The following THRB variants were observed in gnomAD, a reference collection of about 807,000 sequenced individuals.
THRB encodes the protein thyroid hormone receptor beta.
THRB carries 12 observed loss-of-function variants against 47.8 expected under a neutral mutation model. The ratio of observed to expected loss-of-function variants is 0.25; its 90% confidence interval spans 0.16 to 0.41. The LOEUF is 0.41. Among genes scored for constraint, THRB ranks in the 10% least tolerant of loss-of-function variants. THRB has a pLI of 1.00. For missense variants in THRB, 348 were observed against 589.2 expected, an observed-to-expected ratio of 0.59 and a Z score of 4.24; for synonymous variants, 218 against 212.2, an observed-to-expected ratio of 1.03 and a Z score of -0.24.
At chr3:24,374,909 GCTTAAATTTCAC>G (rs1553735651) in intron 1 of THRB, among the ~76,000 whole-genome samples, 7 of 151,964 alleles carry the variant, frequency 4.6e-5, no homozygotes, top group Non-Finnish European at 8.8e-5. Context: ...TACTCTCAAA[GCTTAAATTTCAC>G]CATACTTACC....
At chr3:24,366,731 C>T (rs1413766026) in intron 1 of THRB, among the ~76,000 whole-genome samples, 2 of 151,278 alleles carry the variant, frequency 1.3e-5, no homozygotes, top group African/African-American at 4.9e-5. Context: ...AGCAATTCTC[C>T]TGCCTCAGCC....
At chr3:24,477,317 C>G (rs1053818905) in intron 1 of THRB, among the ~76,000 whole-genome samples, 2 of 152,058 alleles carry the variant, frequency 1.3e-5, no homozygotes, top group Admixed American at 1.3e-4. Context: ...AGCAGGGTTA[C>G]TACATTAATC....
rs1239005734 is a variant in THRB, at chr3:24,262,813, A to G, written c.-42-33812T>C. On this transcript the variant is annotated intron_variant, in intron 3 of 10. Transcript: ENST00000646209. ...TACTGCCTATTTTCCCCTACCCCCTACTAGACGGTAAACACCATGAGGAAG... is the reference window on the plus strand; with the variant it reads ...TACTGCCTATTTTCCCCTACCCCCTGCTAGACGGTAAACACCATGAGGAAG... Among the ~76,000 whole-genome samples the G allele has an allele frequency of 2.0e-5, 3 of 151,852 alleles. No individual in the cohort carries two copies. The East Asian group carries it at 5.8e-4, about 29-fold the overall frequency.
At chr3:24,300,404 T>C (rs926500070) in intron 2 of THRB, among the ~76,000 whole-genome samples, 1 of 152,242 alleles carries the variant, frequency 6.6e-6, no homozygotes, top group Non-Finnish European at 1.5e-5. Flanking sequence ...ATATCCATGA[T>C]ACACGTGCAC....
At chr3:24,314,094 T>A (rs2057948850) in intron 2 of THRB, among the ~76,000 whole-genome samples, 2 of 152,246 alleles carry the variant, frequency 1.3e-5, no homozygotes, top group African/African-American at 4.8e-5. Context: ...AGGCGTTTTA[T>A]ACACCTGCTG....
chr3:24,416,925 A>G (rs559386160), intron 1 of THRB, among the ~76,000 whole-genome samples: 2 of 152,052 alleles, frequency 1.3e-5, no homozygotes, highest in African/African-American at 4.8e-5. Flanking sequence ...TTAGACGTTA[A>G]TGTTTGTGAA....
At chr3:24,182,751 G>A (rs549184235) in intron 5 of THRB, among the ~76,000 whole-genome samples, 122 of 152,304 alleles carry the variant, frequency 8.0e-4, no homozygotes, top group Middle Eastern at 3.4e-3. Flanking sequence ...ACTTGCCCAA[G>A]TTTCAATGGC....
At chr3:24,194,422 CTT>C (rs2043725263) in intron 4 of THRB, among the ~76,000 whole-genome samples, 1 of 152,172 alleles carries the variant, frequency 6.6e-6, no homozygotes, top group East Asian at 1.9e-4. Context: ...ACCGTTTACT[CTT>C]TAATGAATCC....
intron 1 of THRB, among the ~76,000 whole-genome samples, chr3:24,340,321 CCTT>C (rs1559970931): frequency 1.3e-5 from 2 of 151,980 alleles, no homozygotes; most frequent in South Asian, 2.1e-4. Context: ...AATTCCTCCT[CCTT>C]CTCCTTCTCC....
At chr3:24,282,578 C>T (rs1483115399) in intron 3 of THRB, among the ~76,000 whole-genome samples, 1 of 119,908 alleles carries the variant, frequency 8.3e-6, no homozygotes, top group Non-Finnish European at 1.6e-5. Context: ...CAAGAAATAA[C>T]TAAAATCAGA....
Position 24,485,384 on chromosome 3 carries a change from G to A in THRB, c.-261+9268C>T, listed in dbSNP as rs535011295. On this transcript the variant is annotated intron_variant, in intron 1 of 10. Coordinates refer to ENST00000646209, the MANE Select transcript of THRB (RefSeq NM_001354712.2). ...ATTAGAAAAATTTTGCCACATCTCG[G>A]AGAAAGTGAAATCTGTTCCCAAAGA... 7.4e-4 allele frequency among the ~76,000 whole-genome samples: 113 copies of A among 152,192 alleles called. No homozygotes were observed. In the South Asian group the frequency reaches 0.022, roughly 29 times the overall value.
intron 8 of THRB, among the ~76,000 whole-genome samples, chr3:24,141,678 T>C (rs1199535875): frequency 6.6e-6 from 1 of 152,242 alleles, no homozygotes; most frequent in Admixed American, 6.5e-5. Flanking sequence ...TAAACAAGTT[T>C]AGTTGGACTA....
At chr3:24,339,501 T>C (rs1195936782) in intron 1 of THRB, among the ~76,000 whole-genome samples, 1 of 152,216 alleles carries the variant, frequency 6.6e-6, no homozygotes, top group Non-Finnish European at 1.5e-5. Flanking sequence ...TGGGCCTTGT[T>C]CTAAATGATT....
At chr3:24,351,066 AT>A (rs11414285) in intron 1 of THRB, among the ~76,000 whole-genome samples, 12 of 150,870 alleles carry the variant, frequency 8.0e-5, no homozygotes, top group African/African-American at 1.7e-4. Flanking sequence ...TATGTTATTC[AT>A]TTTTTTTTCT....
intron 2 of THRB, among the ~76,000 whole-genome samples, chr3:24,320,742 C>T (rs1559920649): frequency 6.6e-6 from 1 of 152,062 alleles, no homozygotes. Context: ...GCTCAAAGGT[C>T]CAAATTTCCA....
intron 1 of THRB, among the ~76,000 whole-genome samples, chr3:24,371,478 T>C (rs2064905344): frequency 6.6e-6 from 1 of 152,122 alleles, no homozygotes; most frequent in Admixed American, 6.6e-5. Flanking sequence ...AATTTACCTG[T>C]AAACCATATT....
At chr3:24,481,859 A>C (rs1030880855) in intron 1 of THRB, among the ~76,000 whole-genome samples, 4 of 151,524 alleles carry the variant, frequency 2.6e-5, no homozygotes, top group Admixed American at 2.0e-4. Context: ...AAAAAAATCC[A>C]GAACAAGGGA....
chr3:24,357,954 T>C (rs1233149876), intron 1 of THRB, among the ~76,000 whole-genome samples: 1 of 152,152 alleles, frequency 6.6e-6, no homozygotes, highest in East Asian at 1.9e-4. Context: ...TATCACTGCC[T>C]GAAATAGTAC....
intron 3 of THRB, among the ~76,000 whole-genome samples, chr3:24,291,136 TAC>T (rs900779482): frequency 3.9e-5 from 6 of 152,224 alleles, no homozygotes; most frequent in African/African-American, 1.4e-4. Flanking sequence ...AGGTTCCTGT[TAC>T]AGCCTTCCTC....
Sources: allele counts gnomAD v4.1 joint callset (sites outside exome capture counted in the v4.1 genomes callset), GRCh38; gene constraint gnomAD v4.1.1; transcripts MANE v1.5; gene names NCBI Gene and HGNC (gene_info 2026-07-23, HGNC 2026-07-21).